The following TYW1B variants were observed in gnomAD, a reference collection of about 807,000 sequenced individuals.
The protein encoded by TYW1B is S-adenosyl-L-methionine-dependent tRNA 4-demethylwyosine synthase TYW1B.
A neutral mutation model predicts 86.9 loss-of-function variants in TYW1B; 73 were observed. The observed-to-expected ratio is 0.84, with a 90% CI of 0.70 to 1.02. The LOEUF is 1.02. Among genes scored for constraint, TYW1B ranks in the 50% least tolerant of loss-of-function variants. The pLI is 0.00. For synonymous variants in TYW1B, 248 were observed against 292.8 expected (o/e 0.85, Z 1.56); for missense variants, 637 against 827.4 (o/e 0.77, Z 2.82).
At chr7:72,654,468 A>G (rs1268706311) in intron 11 of TYW1B, among the ~76,000 whole-genome samples, 1 of 152,242 alleles carries the variant, frequency 6.6e-6, no homozygotes, top group African/African-American at 2.4e-5. Flanking sequence ...AGAGAAGCCT[A>G]AGGAAGTAAG....
chr7:72,809,156 C>T (rs1242581333), intron 4 of TYW1B, among the ~76,000 whole-genome samples: 2 of 151,442 alleles, frequency 1.3e-5, no homozygotes, highest in African/African-American at 2.4e-5. Context: ...CATTCTCCTG[C>T]CTCAGCCTCC....
chr7:72,774,969 T>TA (rs1554470322), intron 7 of TYW1B, among the ~76,000 whole-genome samples: 1 of 151,988 alleles, frequency 6.6e-6, no homozygotes, highest in Non-Finnish European at 1.5e-5. Context: ...GTGGAAAATA[T>TA]AAAAAGACCC....
chr7:72,820,684 C>T (rs1788811989), intron 2 of TYW1B, among the ~76,000 whole-genome samples: 1 of 152,092 alleles, frequency 6.6e-6, no homozygotes. Context: ...ACAGCAAGAA[C>T]TCACTCACCC....
chr7:72,698,482 T>TA (rs1462833071), intron 10 of TYW1B, among the ~76,000 whole-genome samples: 2 of 151,152 alleles, frequency 1.3e-5, no homozygotes, highest in Non-Finnish European at 3.0e-5. Flanking sequence ...CCATCTCTAC[T>TA]AAAAAATACA....
intron 6 of TYW1B, among the ~76,000 whole-genome samples, chr7:72,782,115 C>A (rs1279822240): frequency 1.3e-5 from 2 of 151,898 alleles, no homozygotes; most frequent in Non-Finnish European, 2.9e-5. Context: ...GAGATCCCAG[C>A]TCTACAAAAA....
chr7:72,579,255 G>C (rs1554429278), intron 13 of TYW1B, among the ~76,000 whole-genome samples: 1 of 151,982 alleles, frequency 6.6e-6, no homozygotes, highest in African/African-American at 2.4e-5. Context: ...TAAAAGATCT[G>C]GTTTCTTTTG....
chr7:72,743,854 A>T (rs1787348063), intron 8 of TYW1B, among the ~76,000 whole-genome samples: 1 of 151,844 alleles, frequency 6.6e-6, no homozygotes, highest in Admixed American at 6.6e-5. Context: ...CAAAAAAAAA[A>T]AAAAAGAAAG....
At position 72,759,720 on chromosome 7, in the gene TYW1B, C is replaced by A. The variant is rs117623739; in HGVS notation, c.965-15119G>T. On this transcript the variant is annotated intron_variant, in intron 7 of 13. Coordinates refer to ENST00000620995, the MANE Select transcript of TYW1B (RefSeq NM_001145440.3). ...AACTCACTGCTTATGGCATTCCAGC[C>A]AAGATATTCTTAAAAAGAGAGAGAG... 1.7e-3 allele frequency among the ~76,000 whole-genome samples: 264 copies of A among 152,236 alleles called. 4 individuals are homozygous for A. In the East Asian group the frequency reaches 0.045, roughly 26 times the overall value.
chr7:72,681,720 G>A (rs1273600875), intron 11 of TYW1B, among the ~76,000 whole-genome samples: 4 of 148,842 alleles, frequency 2.7e-5, no homozygotes, highest in Non-Finnish European at 5.9e-5. Context: ...TCAGCCTCCC[G>A]AGTAGCTGGG....
intron 13 of TYW1B, among the ~76,000 whole-genome samples, chr7:72,593,250 G>T (rs1397767694): frequency 6.7e-6 from 1 of 149,986 alleles, no homozygotes. Flanking sequence ...CCGAGATCAC[G>T]CCACTGCACT....
chr7:72,771,520 A>T (rs1787867987), intron 7 of TYW1B, among the ~76,000 whole-genome samples: 1 of 152,164 alleles, frequency 6.6e-6, no homozygotes, highest in Non-Finnish European at 1.5e-5. Flanking sequence ...AAATTTATTG[A>T]CAGTGTATAA....
chr7:72,678,502 C>G (rs1236745782), intron 11 of TYW1B, among the ~76,000 whole-genome samples: 4 of 151,860 alleles, frequency 2.6e-5, no homozygotes, highest in Non-Finnish European at 5.9e-5. Context: ...TGGCCAAACA[C>G]AACAAAATGC....
Position 72,694,724 on chromosome 7 carries a change from T to C in TYW1B, c.1469A>G (p.Gln490Arg), listed in dbSNP as rs1410250825. ...IDRPLFKDFW[Q>R]QFLDSLKALA... ...GGCTTTTAAACTGTCAAGGAATTGC[T>C]GCCAGAAATCCTTGAAGAGTGGGCG... The change falls in exon 11 of 14, where the codon CAG becomes CGG. Residue 490 changes from glutamine to arginine, a missense_variant. Coordinates refer to ENST00000620995, the MANE Select transcript of TYW1B (RefSeq NM_001145440.3). The C allele has an allele frequency of 4.3e-6, 7 of 1,613,636 alleles. No individual in the cohort carries two copies. The highest frequency in any genetic ancestry group is 5.1e-6 in the Non-Finnish European group (6 of 1,179,886).
At chr7:72,674,477 C>A (rs1813688490) in intron 11 of TYW1B, among the ~76,000 whole-genome samples, 1 of 151,954 alleles carries the variant, frequency 6.6e-6, no homozygotes, top group African/African-American at 2.4e-5. Flanking sequence ...AGGTTTCATT[C>A]CAACTCAAAG....
intron 6 of TYW1B, among the ~76,000 whole-genome samples, chr7:72,799,043 A>G (rs1554475126): frequency 6.6e-6 from 1 of 151,616 alleles, no homozygotes; most frequent in African/African-American, 2.4e-5. Context: ...GGGTTTCACC[A>G]TGTTGGTCAG....
intron 3 of TYW1B, among the ~76,000 whole-genome samples, chr7:72,813,130 T>C (rs1788652946): frequency 6.6e-6 from 1 of 151,958 alleles, no homozygotes; most frequent in Non-Finnish European, 1.5e-5. Flanking sequence ...TACCTGGCCC[T>C]TTACGTGAAA....
chr7:72,708,808 T>G (rs1441892072), intron 10 of TYW1B, among the ~76,000 whole-genome samples: 1 of 152,202 alleles, frequency 6.6e-6, no homozygotes, highest in Non-Finnish European at 1.5e-5. Flanking sequence ...CCTGAAAGAA[T>G]TAGTTTAAAA....
At chr7:72,618,587 C>T (rs1281560559) in intron 12 of TYW1B, among the ~76,000 whole-genome samples, 5 of 152,084 alleles carry the variant, frequency 3.3e-5, no homozygotes, top group Admixed American at 6.5e-5. Context: ...GGGACTTGGA[C>T]GAAGACTCAC....
intron 13 of TYW1B, among the ~76,000 whole-genome samples, chr7:72,590,223 C>T (rs1585829791): frequency 1.3e-5 from 2 of 152,332 alleles, no homozygotes; most frequent in South Asian, 2.1e-4. Context: ...CCGCTCTTAG[C>T]TCCAAAGCCA....
Sources: gnomAD v4.1 joint callset for allele counts (sites outside exome capture counted in the v4.1 genomes callset) on GRCh38, gnomAD v4.1.1 for gene constraint, MANE v1.5 for transcripts, NCBI Gene and HGNC (gene_info 2026-07-23, HGNC 2026-07-21) for gene names.